The following TMEM266 variants were observed in gnomAD, a reference collection of about 807,000 sequenced individuals.
The protein encoded by TMEM266 is transmembrane protein 266.
Under a neutral mutation model 50.5 loss-of-function variants are expected in TMEM266, and 33 were observed. The ratio of observed to expected loss-of-function variants is 0.65; its 90% CI spans 0.50 to 0.87. TMEM266 has a LOEUF of 0.87. Among genes scored for constraint, TMEM266 ranks in the 40% least tolerant of loss-of-function variants. The probability of loss-of-function intolerance (pLI) is 0.00; values close to 1 mark genes in which losing one functional copy is unlikely to be tolerated. For synonymous variants in TMEM266, 310 were observed against 292.3 expected (o/e 1.06, Z -0.62); for missense variants, 655 against 695.1 (o/e 0.94, Z 0.65).
rs1363905343 is a variant in TMEM266, at chr15:76,204,608, G to T, written c.*293G>T. 3 of 256,200 alleles carry T rather than the reference G, an allele frequency of 1.2e-5. No homozygotes were observed. The South Asian group carries it at 2.7e-4, about 23-fold the overall frequency. The allele number at this position is 256,200 out of a possible 1,614,324, so 15.9% of individuals were successfully genotyped here. Reference sequence around the variant, plus strand: ...CCTGTGGCCCAGCTTCAGCAGGGTAGAGTGTGGGGGGGCCAGCTCAGCCTC... The same window carrying T: ...CCTGTGGCCCAGCTTCAGCAGGGTATAGTGTGGGGGGGCCAGCTCAGCCTC... On this transcript the variant is annotated 3_prime_UTR_variant, in exon 11 of 11. Coordinates refer to ENST00000388942, the MANE Select transcript of TMEM266 (RefSeq NM_152335.3).
rs565810897 is a variant in TMEM266, at chr15:76,071,743, C to T, written c.-97+11727C>T. ...GCCCCACCCCAGACCCCTCACTGACCCCAGAAAGCAAGAAGCAGTGGGGGA... is the reference window on the plus strand; with the variant it reads ...GCCCCACCCCAGACCCCTCACTGACTCCAGAAAGCAAGAAGCAGTGGGGGA... On this transcript the variant is annotated intron_variant, in intron 1 of 10. Coordinates refer to ENST00000388942, the MANE Select transcript of TMEM266 (RefSeq NM_152335.3). Among the ~76,000 whole-genome samples, 33 of 152,178 alleles carry T rather than the reference C, an allele frequency of 2.2e-4. 1 individual carries two copies. Among genetic ancestry groups the T allele is most frequent in the African/African-American group, 8.0e-4 (33 of 41,506 alleles).
chr15:76,141,960 A>G (rs2037686149), intron 3 of TMEM266, among the ~76,000 whole-genome samples: 1 of 152,240 alleles, frequency 6.6e-6, no homozygotes, highest in Non-Finnish European at 1.5e-5. Flanking sequence ...CTGTGTGACT[A>G]TACCACACTT....
chr15:76,074,647 T>C (rs2036581153), intron 1 of TMEM266, among the ~76,000 whole-genome samples: 1 of 152,042 alleles, frequency 6.6e-6, no homozygotes, highest in African/African-American at 2.4e-5. Context: ...TGGTGAGGAT[T>C]TGAATTTCAT....
chr15:76,140,511 G>A (rs1393409326), intron 3 of TMEM266, among the ~76,000 whole-genome samples: 1 of 152,206 alleles, frequency 6.6e-6, no homozygotes, highest in Admixed American at 6.5e-5. Flanking sequence ...GTATAGGAAT[G>A]AACCTTTTCT....
chr15:76,145,099 TCCAGAGACTCA>T (rs890537854), intron 3 of TMEM266, among the ~76,000 whole-genome samples: 4 of 152,172 alleles, frequency 2.6e-5, no homozygotes, highest in Non-Finnish European at 5.9e-5. Context: ...TTGAGATTGG[TCCAGAGACTCA>T]CCAGTGCCAA....
At chr15:76,128,280 G>A (rs1050902329) in intron 1 of TMEM266, among the ~76,000 whole-genome samples, 8 of 152,234 alleles carry the variant, frequency 5.3e-5, no homozygotes, top group Non-Finnish European at 1.2e-4. Context: ...GGACAGGTGA[G>A]TTGAATTCTG....
intron 3 of TMEM266, among the ~76,000 whole-genome samples, chr15:76,144,115 T>C (rs773777462): frequency 5.9e-5 from 9 of 152,186 alleles, no homozygotes; most frequent in Non-Finnish European, 8.8e-5. Context: ...GGCCTGCCTG[T>C]CCTGGCCATC....
intron 8 of TMEM266, among the ~76,000 whole-genome samples, chr15:76,190,588 G>T (rs2038553164): frequency 6.6e-6 from 1 of 152,102 alleles, no homozygotes; most frequent in Non-Finnish European, 1.5e-5. Context: ...TTGGGGGATG[G>T]ATGGGATGTT....
At chr15:76,084,585 A>AG (rs1483593784) in intron 1 of TMEM266, among the ~76,000 whole-genome samples, 9 of 145,584 alleles carry the variant, frequency 6.2e-5, no homozygotes, top group African/African-American at 7.9e-5. Flanking sequence ...GCCAGAGATG[A>AG]GGGTTTTTTT....
chr15:76,135,058 C>A (rs575004301), intron 2 of TMEM266, among the ~76,000 whole-genome samples: 1 of 152,172 alleles, frequency 6.6e-6, no homozygotes, highest in South Asian at 2.1e-4. Flanking sequence ...ATTCACAGAG[C>A]CTTTTCATGC....
At chr15:76,066,738 G>C (rs957835022) in intron 1 of TMEM266, among the ~76,000 whole-genome samples, 33 of 152,086 alleles carry the variant, frequency 2.2e-4, no homozygotes, top group Non-Finnish European at 2.6e-4. Context: ...TGTGTCCCTG[G>C]GGTCATGAAG....
At chr15:76,199,074 C>A (rs546160065) in intron 9 of TMEM266, among the ~76,000 whole-genome samples, 1 of 152,208 alleles carries the variant, frequency 6.6e-6, no homozygotes, top group African/African-American at 2.4e-5. Context: ...AAAGGGTAAA[C>A]CATGAAGTCC....
chr15:76,068,003 C>T (rs1445204157), intron 1 of TMEM266, among the ~76,000 whole-genome samples: 1 of 152,194 alleles, frequency 6.6e-6, no homozygotes, highest in Non-Finnish European at 1.5e-5. Context: ...GTAGGACTGA[C>T]AAGGTACTTT....
intron 1 of TMEM266, among the ~76,000 whole-genome samples, chr15:76,099,261 G>A (rs1053875595): frequency 1.1e-4 from 16 of 152,216 alleles, no homozygotes; most frequent in African/African-American, 3.6e-4. Context: ...AAGACAGTGG[G>A]ACAAGTGCAG....
At chr15:76,131,727 G>A (rs1446049428) in intron 1 of TMEM266, among the ~76,000 whole-genome samples, 2 of 152,206 alleles carry the variant, frequency 1.3e-5, no homozygotes, top group Non-Finnish European at 2.9e-5. Flanking sequence ...TTGGTAAGAT[G>A]TGGTTACAAA....
chr15:76,170,245 C>T (rs1197998902), intron 6 of TMEM266, among the ~76,000 whole-genome samples: 1 of 152,212 alleles, frequency 6.6e-6, no homozygotes, highest in East Asian at 1.9e-4. Flanking sequence ...CGTTCTGCTT[C>T]CCGCCACACG....
At chr15:76,101,964 G>A (rs968021942) in intron 1 of TMEM266, among the ~76,000 whole-genome samples, 1 of 152,202 alleles carries the variant, frequency 6.6e-6, no homozygotes, top group African/African-American at 2.4e-5. Context: ...TGGAATTAGG[G>A]GTGTGCCTTC....
chr15:76,110,474 G>A (rs2037154230), intron 1 of TMEM266, among the ~76,000 whole-genome samples: 2 of 152,138 alleles, frequency 1.3e-5, no homozygotes, highest in East Asian at 1.9e-4. Context: ...TAACGTTAGT[G>A]TATTTTATGT....
chr15:76,191,905 T>C, intron 8 of TMEM266, 63 bp from the exon 9 acceptor site: 3 of 1,444,744 alleles, frequency 2.1e-6, no homozygotes, highest in Non-Finnish European at 2.7e-6. Context: ...CGCCCAGAGG[T>C]CAGGCTGGAG....
Sources: gnomAD v4.1 joint callset for allele counts (sites outside exome capture counted in the v4.1 genomes callset) on GRCh38, gnomAD v4.1.1 for gene constraint, MANE v1.5 for transcripts, NCBI Gene and HGNC (gene_info 2026-07-23, HGNC 2026-07-21) for gene names.